The following PEX14 variants were observed in gnomAD, a reference collection of about 807,000 sequenced individuals.
PEX14 encodes the protein peroxisomal membrane protein PEX14.
In PEX14, 15 loss-of-function variants were observed where a neutral mutation model predicts 49.5. That is an observed-to-expected ratio of 0.30 (90% confidence interval 0.20 to 0.47). The LOEUF is 0.47. Ranked by LOEUF, PEX14 falls within the 20% of genes least tolerant of loss-of-function variation. The probability of loss-of-function intolerance (pLI) is 1.00; values close to 1 mark genes in which losing one functional copy is unlikely to be tolerated. For synonymous variants in PEX14, 210 were observed against 212.7 expected, an observed-to-expected ratio of 0.99 and a Z score of 0.11; for missense variants, 398 against 494.8, an observed-to-expected ratio of 0.80 and a Z score of 1.86.
intron 1 of PEX14, among the ~76,000 whole-genome samples, chr1:10,481,140 CTT>C (rs544692572): frequency 7.1e-6 from 1 of 140,738 alleles, no homozygotes. Flanking sequence ...CCTTTCCTTC[CTT>C]TTTTTTTTTG....
intron 1 of PEX14, among the ~76,000 whole-genome samples, chr1:10,492,094 A>G: frequency 6.6e-6 from 1 of 152,286 alleles, no homozygotes; most frequent in Middle Eastern, 3.4e-3. Context: ...TTTACTTTTA[A>G]TATTGAATTT....
chr1:10,486,561 A>T (rs1641371660), intron 1 of PEX14, among the ~76,000 whole-genome samples: 2 of 151,782 alleles, frequency 1.3e-5, no homozygotes, highest in African/African-American at 4.8e-5. Context: ...ACATACCTGG[A>T]GTTCTAGCTA....
Position 10,544,626 on chromosome 1 carries a change from T to A in PEX14, c.169+8329T>A, listed in dbSNP as rs1209103386. Among the ~76,000 whole-genome samples the A allele has an allele frequency of 2.6e-5, 4 of 152,306 alleles. No individual in the cohort carries two copies. The East Asian group carries it at 7.7e-4, about 29-fold the overall frequency. The stretch of plus-strand genomic sequence containing the variant: ...TGGGAAACTATCATCACAATTAAGA[T>A]AATGGACATGCCCAGCATCCCCAAA... On this transcript the variant is annotated intron_variant, in intron 3 of 8. Transcript: ENST00000356607.
chr1:10,562,832 T>A (rs1639687156), intron 3 of PEX14, among the ~76,000 whole-genome samples: 2 of 152,168 alleles, frequency 1.3e-5, no homozygotes, highest in South Asian at 2.1e-4. Context: ...CCTCACTGAA[T>A]CAATTATTAT....
chr1:10,495,164 T>C lies in PEX14; in HGVS notation c.37-110T>C, dbSNP rs1641536296. ...TGTGTCGTGAAAAACCAGTGAGAGA[T>C]GTGAGAAAGAGGTGCCAGCGTGCAT... On this transcript the variant is annotated intron_variant, in intron 1 of 8. Transcript: ENST00000356607. The surrounding 1 kb of genome is among the most constrained non-coding windows in gnomAD (Gnocchi z 4.2). 2 of 1,574,798 alleles carry C rather than the reference T, an allele frequency of 1.3e-6. No individual in the cohort carries two copies. Among genetic ancestry groups the C allele is most frequent in the Non-Finnish European group, 1.7e-6 (2 of 1,154,464 alleles).
chr1:10,611,884 C>T (rs1641286460), intron 4 of PEX14, among the ~76,000 whole-genome samples: 1 of 152,190 alleles, frequency 6.6e-6, no homozygotes. Context: ...ATTCTAGTTA[C>T]AAGTGCTTTG....
At chr1:10,590,602 G>A (rs886161531) in intron 3 of PEX14, among the ~76,000 whole-genome samples, 1 of 152,130 alleles carries the variant, frequency 6.6e-6, no homozygotes, top group African/African-American at 2.4e-5. Flanking sequence ...ATGAGATCTT[G>A]CACTCTCACA....
At chr1:10,542,692 C>T (rs1639052386) in intron 3 of PEX14, among the ~76,000 whole-genome samples, 1 of 152,102 alleles carries the variant, frequency 6.6e-6, no homozygotes, top group African/African-American at 2.4e-5. Context: ...ACCCGGGAGA[C>T]AAAGGTTGCA....
At chr1:10,614,331 C>A (rs761057519) in intron 4 of PEX14, among the ~76,000 whole-genome samples, 1 of 152,132 alleles carries the variant, frequency 6.6e-6, no homozygotes, top group Admixed American at 6.5e-5. Flanking sequence ...CATTCTGGTC[C>A]CTTTTCATTA....
chr1:10,532,876 AGTGCCCAACAATAG>A (rs1416124750), intron 2 of PEX14, among the ~76,000 whole-genome samples: 4 of 152,200 alleles, frequency 2.6e-5, no homozygotes, highest in Admixed American at 1.3e-4. Flanking sequence ...ATTAATGAAA[AGTGCCCAACAATAG>A]GTGGGTGAAA....
At chr1:10,567,017 C>G (rs960490602) in intron 3 of PEX14, among the ~76,000 whole-genome samples, 11 of 152,180 alleles carry the variant, frequency 7.2e-5, no homozygotes, top group Non-Finnish European at 1.6e-4. Context: ...TGTATGGTCT[C>G]TGAACACTAC....
At chr1:10,596,498 T>C (rs1348945615) in intron 3 of PEX14, among the ~76,000 whole-genome samples, 1 of 152,104 alleles carries the variant, frequency 6.6e-6, no homozygotes, top group Non-Finnish European at 1.5e-5. Flanking sequence ...AATGTAGTCC[T>C]TCTCCCAAGC....
At chr1:10,510,663 C>T (rs576161019) in intron 2 of PEX14, among the ~76,000 whole-genome samples, 15 of 152,248 alleles carry the variant, frequency 9.9e-5, no homozygotes, top group East Asian at 7.7e-4. Context: ...GGGCATATAC[C>T]GTATTGCTCA....
intron 2 of PEX14, among the ~76,000 whole-genome samples, chr1:10,527,506 A>G (rs1221561838): frequency 7.2e-6 from 1 of 139,822 alleles, no homozygotes; most frequent in Admixed American, 7.4e-5. Flanking sequence ...ACAGAGCGAG[A>G]CTCTGTCTCA....
intron 3 of PEX14, among the ~76,000 whole-genome samples, chr1:10,561,370 C>T (rs1191833105): frequency 6.6e-6 from 1 of 152,176 alleles, no homozygotes; most frequent in Non-Finnish European, 1.5e-5. Flanking sequence ...TGTCTCTTCT[C>T]ATTTTACTTG....
At chr1:10,624,988 A>G (rs1453581216) in intron 7 of PEX14, among the ~76,000 whole-genome samples, 1 of 152,122 alleles carries the variant, frequency 6.6e-6, no homozygotes, top group African/African-American at 2.4e-5. Context: ...CACTGCCCAA[A>G]TGTGAAGAAA....
intron 3 of PEX14, among the ~76,000 whole-genome samples, chr1:10,562,610 TC>T (rs1639680563): frequency 6.6e-6 from 1 of 152,246 alleles, no homozygotes; most frequent in African/African-American, 2.4e-5. Context: ...TGGTATTGTG[TC>T]TTTCCGGCAT....
intron 1 of PEX14, among the ~76,000 whole-genome samples, chr1:10,480,827 GTCTCTCTCTCTCTTTCTC>G (rs1641269467): frequency 6.7e-6 from 1 of 149,136 alleles, no homozygotes; most frequent in Non-Finnish European, 1.5e-5. Context: ...CTTTATGTCA[GTCTCTCTCTCTCTTTCTC>G]TCTCTCTCTC....
At chr1:10,574,980 T>C (rs1640079782) in intron 3 of PEX14, among the ~76,000 whole-genome samples, 1 of 151,592 alleles carries the variant, frequency 6.6e-6, no homozygotes, top group Non-Finnish European at 1.5e-5. Context: ...GGTATGGTGG[T>C]GTGCACTTGT....
Sources: gnomAD v4.1 joint callset for allele counts (sites outside exome capture counted in the v4.1 genomes callset) on GRCh38, gnomAD v4.1.1 for gene constraint, Gnocchi (gnomAD v3.1) non-coding constraint, MANE v1.5 for transcripts, NCBI Gene and HGNC (gene_info 2026-07-23, HGNC 2026-07-21) for gene names.